THADA: variants seen among roughly 807,000 people sequenced by gnomAD.
THADA encodes THADA armadillo repeat containing.
THADA carries 213 observed loss-of-function variants against 219.8 expected under a neutral mutation model. That is an observed-to-expected ratio of 0.97 (90% confidence interval 0.87 to 1.09). The LOEUF (loss-of-function observed/expected upper bound fraction) is 1.09. Ranked by LOEUF, THADA falls within the 50% of genes least tolerant of loss-of-function variation. THADA has a pLI of 0.00. For synonymous variants in THADA, 1,018 were observed against 828.9 expected, an observed-to-expected ratio of 1.23 and a Z score of -3.92; for missense variants, 2,956 against 2,311.3, an observed-to-expected ratio of 1.28 and a Z score of -5.72.
chr2:43,286,769 A>G, intron 35 of THADA, 139 bp downstream of exon 35: 1 of 971,700 alleles, frequency 1.0e-6, no homozygotes, highest in South Asian at 1.8e-5. Flanking sequence ...AGCATGAACT[A>G]AGACGGTAGG....
intron 30 of THADA, among the ~76,000 whole-genome samples, chr2:43,328,622 A>T (rs956250307): frequency 1.3e-5 from 2 of 152,204 alleles, no homozygotes; most frequent in Non-Finnish European, 2.9e-5. Flanking sequence ...AGGTCCAGCT[A>T]TGCATTGCAG....
chr2:43,403,935 C>G (rs967131493), intron 28 of THADA, among the ~76,000 whole-genome samples: 1 of 152,132 alleles, frequency 6.6e-6, no homozygotes, highest in African/African-American at 2.4e-5. Context: ...AAATGGTCAT[C>G]TACTGACAAC....
intron 20 of THADA, among the ~76,000 whole-genome samples, chr2:43,542,126 T>C (rs1039506821): frequency 1.3e-5 from 2 of 152,220 alleles, no homozygotes; most frequent in Non-Finnish European, 2.9e-5. Flanking sequence ...GATATTTTTT[T>C]AAAATCCAAG....
chr2:43,501,307 CAAAAAAAAAAAAA>C lies in THADA; in HGVS notation c.3622-2365_3622-2353del, dbSNP rs60448094. On this transcript the variant is annotated intron_variant, in intron 24 of 37. Transcript: ENST00000405975. ...GGCAACAAAAGCGAAACTCCAACTC[CAAAAAAAAAAAAA>C]AAAAAAAAAAAAAAAAAAAGAGAGA... 6.7e-3 allele frequency among the ~76,000 whole-genome samples: 101 copies of C among 15,058 alleles called. No individual in the cohort carries two copies. The East Asian group carries it at 0.16, about 23-fold the overall frequency. 9.9% of individuals were successfully genotyped at this position (15,058 alleles called of 152,430 possible).
rs552280109 is a variant in THADA, at chr2:43,365,515, G to A, written c.4228-21278C>T. 9.9e-5 allele frequency among the ~76,000 whole-genome samples: 15 copies of A among 151,584 alleles called. 1 individual carries two copies. Among genetic ancestry groups the A allele is most frequent in the Non-Finnish European group, 2.2e-4 (15 of 67,888 alleles). ...AAACCTGGGAGGTGGAGGCTGCAGC[G>A]AGCTGAGATCACGCCACCGCACTCC... On this transcript the variant is annotated intron_variant, in intron 29 of 37. Coordinates refer to ENST00000405975, the MANE Select transcript of THADA (RefSeq NM_022065.5).
chr2:43,357,239 G>A (rs998443902), intron 29 of THADA, among the ~76,000 whole-genome samples: 1 of 151,698 alleles, frequency 6.6e-6, no homozygotes, highest in African/African-American at 2.4e-5. Context: ...AACAATGAGG[G>A]TTTTTTTTAA....
intron 22 of THADA, among the ~76,000 whole-genome samples, chr2:43,511,286 A>C (rs1311473526): frequency 6.6e-6 from 1 of 152,190 alleles, no homozygotes; most frequent in East Asian, 1.9e-4. Context: ...GTGTGCTGAA[A>C]TACAAATACA....
At chr2:43,571,276 G>A (rs145901336) in intron 13 of THADA, among the ~76,000 whole-genome samples, 1,867 of 143,694 alleles carry the variant, frequency 0.013, 28 homozygotes, top group African/African-American at 0.042. Context: ...TTTGGAGACC[G>A]AGTCTCACTC....
intron 26 of THADA, among the ~76,000 whole-genome samples, chr2:43,482,215 C>A (rs1686311230): frequency 6.6e-6 from 1 of 152,100 alleles, no homozygotes; most frequent in African/African-American, 2.4e-5. Flanking sequence ...TTTAAAAGCA[C>A]AAGTGAAACT....
intron 28 of THADA, among the ~76,000 whole-genome samples, chr2:43,406,965 C>G (rs140923386): frequency 5.6e-4 from 86 of 152,330 alleles, no homozygotes; most frequent in African/African-American, 1.9e-3. Context: ...GCTCGGGCTA[C>G]ACAAACAACC....
intron 30 of THADA, 90 bp downstream of exon 30, chr2:43,344,032 C>T (rs1162305905): frequency 1.1e-6 from 1 of 937,194 alleles, no homozygotes. Flanking sequence ...ATGCCAATGA[C>T]TTTTAAAACT....
intron 10 of THADA, among the ~76,000 whole-genome samples, chr2:43,576,151 G>C (rs1246325282): frequency 6.6e-6 from 1 of 152,160 alleles, no homozygotes; most frequent in East Asian, 1.9e-4. Context: ...GCTGGTGGTT[G>C]TACAACTCTG....
chr2:43,572,736 T>A, intron 12 of THADA, 78 bp downstream of exon 12: 3 of 1,319,888 alleles, frequency 2.3e-6, no homozygotes, highest in Middle Eastern at 1.9e-4. Context: ...CAGGATACAA[T>A]GTAGGGGCCT....
chr2:43,306,211 C>T (rs760898236), intron 31 of THADA, among the ~76,000 whole-genome samples: 1 of 152,056 alleles, frequency 6.6e-6, no homozygotes, highest in Non-Finnish European at 1.5e-5. Flanking sequence ...GGGGTTTTGC[C>T]ATGTTGCTCA....
intron 28 of THADA, among the ~76,000 whole-genome samples, chr2:43,399,115 T>C (rs1372053066): frequency 6.6e-6 from 1 of 152,164 alleles, no homozygotes; most frequent in Non-Finnish European, 1.5e-5. Context: ...AGGAGATTGA[T>C]TGAGAGGAAA....
intron 29 of THADA, among the ~76,000 whole-genome samples, chr2:43,351,880 A>G (rs1053393707): frequency 6.6e-6 from 1 of 152,248 alleles, no homozygotes; most frequent in African/African-American, 2.4e-5. Context: ...AGTAATTATG[A>G]GTTCCTTCAC....
At chr2:43,452,337 G>A (rs898874068) in intron 26 of THADA, among the ~76,000 whole-genome samples, 1 of 152,008 alleles carries the variant, frequency 6.6e-6, no homozygotes, top group Non-Finnish European at 1.5e-5. Flanking sequence ...AATAAAACTA[G>A]AAGTATTTTC....
intron 26 of THADA, among the ~76,000 whole-genome samples, chr2:43,480,259 G>C (rs1400881920): frequency 6.6e-6 from 1 of 152,166 alleles, no homozygotes; most frequent in African/African-American, 2.4e-5. Context: ...GGCTAAGTTA[G>C]ACATGTATAA....
intron 36 of THADA, among the ~76,000 whole-genome samples, chr2:43,242,878 C>A (rs368192603): frequency 2.0e-5 from 3 of 152,142 alleles, no homozygotes; most frequent in Non-Finnish European, 2.9e-5. Flanking sequence ...GATTATTTTC[C>A]GTTTTCCATT....
Sources: allele counts gnomAD v4.1 joint callset (sites outside exome capture counted in the v4.1 genomes callset), GRCh38; gene constraint gnomAD v4.1.1; transcripts MANE v1.5; gene names NCBI Gene and HGNC (gene_info 2026-07-23, HGNC 2026-07-21).